Variants in TMEM144 observed in about 807,000 individuals in gnomAD.
TMEM144 encodes transmembrane protein 144.
A neutral mutation model predicts 43.6 loss-of-function variants in TMEM144; 39 were observed. The ratio of observed to expected loss-of-function variants is 0.90; its 90% confidence interval spans 0.69 to 1.17. The LOEUF is 1.17. Among genes scored for constraint, TMEM144 ranks in the 50% most tolerant of loss-of-function variants. TMEM144 has a pLI of 0.00. For missense variants in TMEM144, 417 were observed against 411.9 expected, an observed-to-expected ratio of 1.01 and a Z score of -0.11; for synonymous variants, 154 against 133.6, an observed-to-expected ratio of 1.15 and a Z score of -1.06.
At position 158,254,588 on chromosome 4, in the gene TMEM144, C is replaced by T. The variant is rs1164018983; in HGVS notation, c.*1061C>T. On this transcript the variant is annotated 3_prime_UTR_variant, in exon 13 of 13. Transcript: ENST00000296529. Reference sequence around the variant, plus strand: ...CAGCCTAGGCAACATAGCAAGGTCCCATCTCTAAAAAAGAAATTTAATTTA... The same window carrying T: ...CAGCCTAGGCAACATAGCAAGGTCCTATCTCTAAAAAAGAAATTTAATTTA... The T allele has an allele frequency of 6.6e-6, 1 of 151,766 alleles. No individual in the cohort carries two copies. Among genetic ancestry groups the T allele is most frequent in the Non-Finnish European group, 1.5e-5 (1 of 67,934 alleles). The allele number at this position is 151,766 out of a possible 1,614,324, so 9.4% of individuals were successfully genotyped here.
intron 4 of TMEM144, among the ~76,000 whole-genome samples, chr4:158,216,033 G>A (rs1277868487): frequency 6.6e-6 from 1 of 152,166 alleles, no homozygotes; most frequent in Non-Finnish European, 1.5e-5. Context: ...TCTCTGAGGA[G>A]TTAAATGATT....
chr4:158,223,693 G>A (rs989157753), intron 6 of TMEM144, among the ~76,000 whole-genome samples: 3 of 152,200 alleles, frequency 2.0e-5, no homozygotes, highest in African/African-American at 7.2e-5. Flanking sequence ...TTAGTTTGCT[G>A]AGGATGATGG....
At position 158,210,600 on chromosome 4, in the gene TMEM144, C is replaced by T. The variant is rs1333166025; in HGVS notation, c.-183+14C>T. On this transcript the variant is annotated intron_variant, in intron 1 of 12. Transcript: ENST00000296529. The stretch of plus-strand genomic sequence containing the variant: ...GCCCGGAACGCAGTGAGTACAGCCA[C>T]TCAAAGGAAAGCCAAGTCGCTTTGC... 6.6e-6 allele frequency: 1 copy of T among 152,236 alleles called. No individual in the cohort carries two copies. Among genetic ancestry groups the T allele is most frequent in the Non-Finnish European group, 1.5e-5 (1 of 68,058 alleles). The allele number at this position is 152,236 out of a possible 1,614,324, so 9.4% of individuals were successfully genotyped here. A position where few individuals can be genotyped will look rare whatever the true frequency, so the allele number is the denominator to read the frequency against.
intron 12 of TMEM144, among the ~76,000 whole-genome samples, chr4:158,251,903 T>TA (rs1342039895): frequency 1.3e-5 from 2 of 152,010 alleles, no homozygotes; most frequent in African/African-American, 2.4e-5. Context: ...GTACTTTCAC[T>TA]AAAAAAATAA....
intron 8 of TMEM144, among the ~76,000 whole-genome samples, chr4:158,236,767 G>A (rs28691238): frequency 0.63 from 95,877 of 151,560 alleles, 30,624 homozygotes; most frequent in East Asian, 0.86. Flanking sequence ...GATTATAGGC[G>A]AAAGCCACCA....
chr4:158,231,317 T>G (rs1049400843), intron 6 of TMEM144, among the ~76,000 whole-genome samples: 7 of 151,974 alleles, frequency 4.6e-5, no homozygotes, highest in Non-Finnish European at 1.5e-5. Flanking sequence ...GAAAGGTGAG[T>G]GGAAGCCATC....
chr4:158,247,706 T>A (rs1159618403), intron 12 of TMEM144, among the ~76,000 whole-genome samples: 1 of 152,124 alleles, frequency 6.6e-6, no homozygotes. Context: ...TTTAAAATAC[T>A]GTATTTTACT....
Position 158,215,332 on chromosome 4 carries a change from T to G in TMEM144, c.232+19T>G. The G allele has an allele frequency of 1.2e-6, 2 of 1,610,792 alleles. No individual in the cohort carries two copies. The highest frequency in any genetic ancestry group is 2.2e-5 in the East Asian group (1 of 44,828). On this transcript the variant is annotated intron_variant, in intron 4 of 12. Coordinates refer to ENST00000296529, the MANE Select transcript of TMEM144 (RefSeq NM_018342.5). ...GCAACAGGTAATGTCTGATATAACT[T>G]ATACTTTTATTATGTAACATAATGA...
chr4:158,249,934 T>TGTGTGTGTGTGTGTGTGTGTGTGTG (rs1303140050), intron 12 of TMEM144, among the ~76,000 whole-genome samples: 2 of 87,742 alleles, frequency 2.3e-5, no homozygotes, highest in Non-Finnish European at 5.5e-5. Context: ...GTGTGTGTGT[T>TGTGTGTGTGTGTGTGTGTGTGTGTG]TAAATAAGCT....
intron 7 of TMEM144, chr4:158,234,255 G>A (rs901710804): frequency 6.6e-6 from 1 of 152,104 alleles, no homozygotes; most frequent in South Asian, 2.1e-4. Context: ...AGTTGGCCAG[G>A]CGTGATGGCT....
intron 6 of TMEM144, among the ~76,000 whole-genome samples, chr4:158,223,323 C>A (rs1244067816): frequency 1.3e-5 from 2 of 152,152 alleles, no homozygotes; most frequent in Admixed American, 1.3e-4. Flanking sequence ...TGTATATCCC[C>A]ATTTTTTAGT....
intron 12 of TMEM144, among the ~76,000 whole-genome samples, chr4:158,249,151 C>T (rs1234899011): frequency 1.3e-5 from 2 of 152,136 alleles, no homozygotes; most frequent in African/African-American, 2.4e-5. Context: ...GTGATCTGCC[C>T]GCCTCGGCCT....
rs1181693008 is a variant in TMEM144 at position 158,215,301 on chromosome 4, A to G, written c.220A>G (p.Ile74Val). 1 of 1,613,694 alleles carries G rather than the reference A, an allele frequency of 6.2e-7. No individual in the cohort carries two copies. The highest frequency in any genetic ancestry group is 1.3e-5 in the African/African-American group (1 of 75,030). ...FWPFAMLGGCIWATGNIAVVP... is the reference protein window; with the variant it reads ...FWPFAMLGGCVWATGNIAVVP... ...GCCTTTTGCAATGCTTGGGGGCTGC[A>G]TTTGGGCAACAGGTAATGTCTGATA... Residue 74 changes from isoleucine to valine, a missense_variant, in exon 4 of 13, where the codon ATT (isoleucine) becomes GTT (valine). Ile to Val is a conservative substitution (Grantham distance 29). Coordinates refer to ENST00000296529, the MANE Select transcript of TMEM144 (RefSeq NM_018342.5).
chr4:158,229,364 CCTT>C (rs1444569705), intron 6 of TMEM144, among the ~76,000 whole-genome samples: 3 of 152,126 alleles, frequency 2.0e-5, no homozygotes, highest in Non-Finnish European at 4.4e-5. Context: ...AAGATGGATG[CCTT>C]CTTCTTCATC....
Position 158,237,559 on chromosome 4 carries a change from T to C in TMEM144, c.598T>C (p.Tyr200His). 1 of 1,613,924 alleles carries C rather than the reference T, an allele frequency of 6.2e-7. No individual in the cohort carries two copies. Among genetic ancestry groups the C allele is most frequent in the Non-Finnish European group, 8.5e-7 (1 of 1,179,844 alleles). Residue 200 changes from tyrosine to histidine, a missense_variant, in exon 9 of 13, where the codon TAT becomes CAT. Coordinates refer to ENST00000296529, the MANE Select transcript of TMEM144 (RefSeq NM_018342.5). ...CSLAVISGVL[Y>H]GSTFVPIIYI... ...TCTTGCAGTGATATCTGGAGTACTC[T>C]ATGGATCTACATTTGTGCCAATCAT...
intron 11 of TMEM144, 31 bp downstream of exon 11, chr4:158,241,637 C>T (rs759248923): frequency 1.3e-6 from 2 of 1,595,630 alleles, no homozygotes; most frequent in Non-Finnish European, 1.7e-6. Context: ...TCCTAATTTT[C>T]ATTTTATAAA....
intron 12 of TMEM144, among the ~76,000 whole-genome samples, chr4:158,251,464 TA>T (rs1736201337): frequency 1.3e-5 from 2 of 152,140 alleles, no homozygotes; most frequent in Admixed American, 1.3e-4. Context: ...GGTCACAGAT[TA>T]GGAAAATCCC....
chr4:158,215,552 A>G (rs945151080), intron 4 of TMEM144, among the ~76,000 whole-genome samples: 1 of 152,188 alleles, frequency 6.6e-6, no homozygotes, highest in Non-Finnish European at 1.5e-5. Flanking sequence ...GTAGAAAATT[A>G]TTATAGTAAA....
chr4:158,213,165 C>CTTTTTT, intron 3 of TMEM144: 7 of 262,148 alleles, frequency 2.7e-5, no homozygotes, highest in South Asian at 2.6e-4. Flanking sequence ...CCTGAGAAAC[C>CTTTTTT]TCTAGATAGG....
Sources: gnomAD v4.1 joint callset for allele counts (sites outside exome capture counted in the v4.1 genomes callset) on GRCh38, gnomAD v4.1.1 for gene constraint, MANE v1.5 for transcripts, NCBI Gene and HGNC (gene_info 2026-07-23, HGNC 2026-07-21) for gene names.